FXYD2: variants seen among roughly 807,000 people sequenced by gnomAD.
The protein encoded by FXYD2 is sodium/potassium-transporting ATPase subunit gamma.
FXYD2 carries 8 observed loss-of-function variants against 11.8 expected under a neutral mutation model. The observed-to-expected ratio is 0.68, with a 90% CI of 0.40 to 1.22. The LOEUF is 1.22. Ranked by LOEUF, FXYD2 falls within the 50% of genes most tolerant of loss-of-function variation. The pLI, the probability that FXYD2 is intolerant of heterozygous loss-of-function variation, is 0.01. For missense variants in FXYD2, 92 were observed against 91.8 expected (o/e 1.00, Z -0.01); for synonymous variants, 42 against 33.3 (o/e 1.26, Z -0.90).
rs773271804 is a variant in FXYD2 at position 117,820,679 on chromosome 11, T to G, written c.194A>C (p.Glu65Ala). The change falls in exon 5 of 6, where the codon GAG (glutamate) becomes GCG (alanine). Residue 65 changes from glutamate to alanine, a missense_variant. Coordinates refer to ENST00000292079, the MANE Select transcript of FXYD2 (RefSeq NM_001680.5). ...CTCCTAGCATACCTGCTGTTACGGCTCATCTTCATTGATTTGCCTGGTGGG... is the reference window on the plus strand; with the variant it reads ...CTCCTAGCATACCTGCTGTTACGGCGCATCTTCATTGATTTGCCTGGTGGG... ...NKKRRQINEDEP is the reference protein window; with the variant it reads ...NKKRRQINEDAP 6.2e-7 allele frequency: 1 copy of G among 1,613,998 alleles called. No homozygotes were observed. Among genetic ancestry groups the G allele is most frequent in the Non-Finnish European group, 8.5e-7 (1 of 1,179,986 alleles).
upstream of FXYD2, among the ~76,000 whole-genome samples, chr11:117,825,458 G>T (rs1406685662): frequency 6.6e-6 from 1 of 152,218 alleles, no homozygotes; most frequent in East Asian, 1.9e-4. Flanking sequence ...GATCCTTAAG[G>T]ACAGGGCAAG....
At position 117,822,315 on chromosome 11, in the gene FXYD2, C is replaced by T. The variant is rs1187692302; in HGVS notation, c.139+91G>A. 1 of 1,548,156 alleles carries T rather than the reference C, an allele frequency of 6.5e-7. No individual in the cohort carries two copies. Among genetic ancestry groups the T allele is most frequent in the East Asian group, 2.4e-5 (1 of 40,876 alleles). On this transcript the variant is annotated intron_variant, in intron 3 of 5. Transcript: ENST00000292079. This position sits in a 1 kb window ranked among gnomAD's most constrained non-coding sequence, Gnocchi z 4.7. ...GCGTGGTGGGGAGGCTCACCCCTCC[C>T]TTGGCAACTCCCGAAAGCCAGCCTG...
At position 117,820,873 on chromosome 11, in the gene FXYD2, G is replaced by GC. The variant is rs1256892547; in HGVS notation, c.161dup (p.Asn55GlnfsTer2). 2 of 1,606,220 alleles carry GC rather than the reference G, an allele frequency of 1.2e-6. No individual in the cohort carries two copies. The highest frequency in any genetic ancestry group is 1.7e-6 in the Non-Finnish European group (2 of 1,178,172). On this transcript the variant is annotated frameshift_variant, in exon 4 of 6. Coordinates refer to ENST00000292079, the MANE Select transcript of FXYD2 (RefSeq NM_001680.5). LOFTEE classifies it high-confidence loss of function. The stretch of plus-strand genomic sequence containing the variant: ...GCAGCGCTCACCTGCGCTTCTTATT[G>GC]CCCCCACAGCGGAATCTTCTGCCTT...
rs1049587701 is a variant in FXYD2, at chr11:117,822,305, T to G, written c.139+101A>C. Reference sequence around the variant, plus strand: ...GCAGTGGGGGGCGTGGTGGGGAGGCTCACCCCTCCCTTGGCAACTCCCGAA... The same window carrying G: ...GCAGTGGGGGGCGTGGTGGGGAGGCGCACCCCTCCCTTGGCAACTCCCGAA... On this transcript the variant is annotated intron_variant, in intron 3 of 5. Coordinates refer to ENST00000292079, the MANE Select transcript of FXYD2 (RefSeq NM_001680.5). This position sits in a 1 kb window ranked among gnomAD's most constrained non-coding sequence, Gnocchi z 4.7. The G allele has an allele frequency of 6.5e-6, 10 of 1,546,642 alleles. No homozygotes were observed. The highest frequency in any genetic ancestry group is 7.9e-6 in the Non-Finnish European group (9 of 1,146,046).
chr11:117,822,715 C>A lies in FXYD2; in HGVS notation c.28G>T (p.Gly10Cys). 1 of 1,609,604 alleles carries A rather than the reference C, an allele frequency of 6.2e-7. No homozygotes were observed. Residue 10 changes from glycine (G) to cysteine (C), a missense_variant and splice_region_variant, in exon 2 of 6, where the codon GGC (glycine) becomes TGC (cysteine). Transcript: ENST00000292079. This position sits in a 1 kb window ranked among gnomAD's most constrained non-coding sequence, Gnocchi z 4.7. ...GGGTCCACGTCCCCCTTGGGGCTGC[C>A]GCCTAGGAGAGAGCCAGAGGTGGGA... MTGLSMDGGGSPKGDVDPFY... is the reference protein window; with the variant it reads MTGLSMDGGCSPKGDVDPFY...
chr11:117,824,485 A>C lies in FXYD2; in HGVS notation c.25+169T>G, dbSNP rs1226253089. 1.5e-6 allele frequency: 1 copy of C among 686,688 alleles called. No individual in the cohort carries two copies. The highest frequency in any genetic ancestry group is 1.8e-5 in the African/African-American group (1 of 56,750). The allele number at this position is 686,688 out of a possible 1,614,324, so 42.5% of individuals were successfully genotyped here. On this transcript the variant is annotated intron_variant, in intron 1 of 5. Coordinates refer to ENST00000292079, the MANE Select transcript of FXYD2 (RefSeq NM_001680.5). The surrounding 1 kb of genome is among the most constrained non-coding windows in gnomAD (Gnocchi z 4.0). ...TGGGGTTAAAGCAGGGTCCTCCTTTAAGTTGCAAATTTTCTTAGAGAGGAG... is the reference window on the plus strand; with the variant it reads ...TGGGGTTAAAGCAGGGTCCTCCTTTCAGTTGCAAATTTTCTTAGAGAGGAG...
chr11:117,827,920 G>T, upstream of FXYD2: 1 of 986,448 alleles, frequency 1.0e-6, no homozygotes, highest in Non-Finnish European at 1.6e-6. Flanking sequence ...GCTTGTGGGT[G>T]CACTTGAAAG....
At chr11:117,823,060 C>T (rs1361255702) in intron 1 of FXYD2, among the ~76,000 whole-genome samples, 1 of 152,140 alleles carries the variant, frequency 6.6e-6, no homozygotes, top group Non-Finnish European at 1.5e-5. Flanking sequence ...TCCCAGCGGC[C>T]TCTCTCCACA....
chr11:117,822,277 C>A lies in FXYD2; in HGVS notation c.139+129G>T. On this transcript the variant is annotated intron_variant, in intron 3 of 5. Transcript: ENST00000292079. The surrounding 1 kb of genome is among the most constrained non-coding windows in gnomAD (Gnocchi z 4.7). Reference sequence around the variant, plus strand: ...CCCCACCGGGCACCCATTCCCACATCCTGCAGTGGGGGGCGTGGTGGGGAG... The same window carrying A: ...CCCCACCGGGCACCCATTCCCACATACTGCAGTGGGGGGCGTGGTGGGGAG... 6.5e-7 allele frequency: 1 copy of A among 1,539,004 alleles called. No individual in the cohort carries two copies.
upstream of FXYD2, among the ~76,000 whole-genome samples, chr11:117,827,028 G>T (rs188589025): frequency 9.7e-3 from 1,471 of 151,940 alleles, 18 homozygotes; most frequent in Middle Eastern, 0.02. Context: ...CCCACTGCGG[G>T]GGGGAGGAGG....
chr11:117,825,715 C>T (rs1309135482), upstream of FXYD2, among the ~76,000 whole-genome samples: 1 of 152,138 alleles, frequency 6.6e-6, no homozygotes, highest in Non-Finnish European at 1.5e-5. Flanking sequence ...TCCGCTGTGA[C>T]CTCCTTCGCC....
chr11:117,822,603 T>C lies in FXYD2; in HGVS notation c.64+76A>G. 3 of 1,581,050 alleles carry C rather than the reference T, an allele frequency of 1.9e-6. No homozygotes were observed. Among genetic ancestry groups the C allele is most frequent in the Non-Finnish European group, 2.6e-6 (3 of 1,164,322 alleles). On this transcript the variant is annotated intron_variant, in intron 2 of 5. Transcript: ENST00000292079. The surrounding 1 kb of genome is among the most constrained non-coding windows in gnomAD (Gnocchi z 4.7). Reference sequence around the variant, plus strand: ...AGATAAGGGGCACAGAGCATGGACCTGGGGCTGGGAGAGGCCGCTGCTTGG... The same window carrying C: ...AGATAAGGGGCACAGAGCATGGACCCGGGGCTGGGAGAGGCCGCTGCTTGG...
chr11:117,820,437 C>T (rs749646500), intron 5 of FXYD2, 65 bp from the exon 6 acceptor site: 2 of 585,098 alleles, frequency 3.4e-6, no homozygotes, highest in Non-Finnish European at 6.0e-6. Context: ...TTACTTCCCC[C>T]TTGTCCATCT....
chr11:117,820,982 C>A lies in FXYD2; in HGVS notation c.140-87G>T, dbSNP rs1008452019. Reference sequence around the variant, plus strand: ...CTCAAAATTCTTCCAGTCTCTCCTACCTCCCTCCTGCCAGTATCATCGCAG... The same window carrying A: ...CTCAAAATTCTTCCAGTCTCTCCTAACTCCCTCCTGCCAGTATCATCGCAG... On this transcript the variant is annotated intron_variant, in intron 3 of 5. Transcript: ENST00000292079. The A allele has an allele frequency of 6.9e-6, 11 of 1,588,598 alleles. No individual in the cohort carries two copies. In the Admixed American group the frequency reaches 1.3e-4, roughly 19 times the overall value.
chr11:117,821,307 T>C, intron 3 of FXYD2: 1 of 961,124 alleles, frequency 1.0e-6, no homozygotes, highest in Non-Finnish European at 1.2e-6. Flanking sequence ...GAGATCCTCC[T>C]GCCTTGGCCT....
upstream of FXYD2, among the ~76,000 whole-genome samples, chr11:117,825,864 G>C (rs1478214375): frequency 6.6e-6 from 1 of 152,192 alleles, no homozygotes; most frequent in Non-Finnish European, 1.5e-5. Flanking sequence ...CAGCAGGGGA[G>C]CTTGAGCCCT....
chr11:117,827,209 T>A (rs1284011575), upstream of FXYD2, among the ~76,000 whole-genome samples: 3 of 152,228 alleles, frequency 2.0e-5, no homozygotes, highest in East Asian at 5.8e-4. Context: ...GCTACATTTT[T>A]AAACTCTGTG....
At chr11:117,823,959 C>T (rs1402373125) in intron 1 of FXYD2, among the ~76,000 whole-genome samples, 1 of 152,204 alleles carries the variant, frequency 6.6e-6, no homozygotes, top group Non-Finnish European at 1.5e-5. Context: ...AGAAGGCCGT[C>T]AGGGCTGTCT....
intron 5 of FXYD2, 45 bp from the exon 6 acceptor site, chr11:117,820,417 G>T: frequency 3.5e-6 from 2 of 574,862 alleles, no homozygotes; most frequent in Non-Finnish European, 6.1e-6. Flanking sequence ...AGGCAGCAGA[G>T]GTTGGGGTTT....
Sources: allele counts gnomAD v4.1 joint callset (sites outside exome capture counted in the v4.1 genomes callset), GRCh38; gene constraint gnomAD v4.1.1; non-coding constraint Gnocchi (gnomAD v3.1); transcripts MANE v1.5; gene names NCBI Gene and HGNC (gene_info 2026-07-23, HGNC 2026-07-21).